The following SMOC2 variants were observed in gnomAD, a reference collection of about 807,000 sequenced individuals.
SMOC2 encodes SPARC related modular calcium binding 2.
Under a neutral mutation model 61.4 loss-of-function variants are expected in SMOC2, and 39 were observed. That is an observed-to-expected ratio of 0.64 (90% CI 0.49 to 0.83). SMOC2 has a LOEUF of 0.83. SMOC2 is among the 40% of genes least tolerant of loss of function. The pLI, the probability that SMOC2 is intolerant of heterozygous loss-of-function variation, is 0.00. For missense variants in SMOC2, 556 were observed against 592.9 expected, an observed-to-expected ratio of 0.94 and a Z score of 0.65; for synonymous variants, 247 against 239.9, an observed-to-expected ratio of 1.03 and a Z score of -0.27.
At chr6:168,598,713 G>A (rs898848298) in intron 7 of SMOC2, 105 bp from the exon 8 acceptor site, 3 of 1,332,762 alleles carry the variant, frequency 2.3e-6, no homozygotes, top group East Asian at 2.3e-5. Flanking sequence ...CGGGGTGAAG[G>A]AGGACCACAT....
chr6:168,565,187 G>A lies in SMOC2; in HGVS notation c.637+15984G>A, dbSNP rs181456282. ...TCTTCAGTTAAGGAAATTTCCTTGG[G>A]CTTTCTTTAAAAATCAAATGTGAAT... On this transcript the variant is annotated intron_variant, in intron 7 of 12. Coordinates refer to ENST00000356284, the MANE Select transcript of SMOC2 (RefSeq NM_001166412.2). Among the ~76,000 whole-genome samples the A allele has an allele frequency of 9.2e-5, 14 of 152,324 alleles. No homozygotes were observed. In the East Asian group the frequency reaches 2.3e-3, roughly 25 times the overall value.
rs202082674 is a variant in SMOC2 at position 168,526,447 on chromosome 6, A to C, written c.358A>C (p.Ser120Arg). Residue 120 changes from serine (S) to arginine (R), a missense_variant, in exon 3 of 13, where the codon AGT (serine) becomes CGT (arginine). Ser to Arg is a moderately radical substitution (Grantham distance 110). Transcript: ENST00000356284. ...TGAGTGCAATGACGACGGCACCTAC[A>C]GTCAGGTTACCGGCCTTGCTTGGGA... ...IPECNDDGTYSQVQCHSYTGY... is the reference protein window; with the variant it reads ...IPECNDDGTYRQVQCHSYTGY... The C allele has an allele frequency of 5.3e-5, 86 of 1,613,934 alleles. No homozygotes were observed. Among genetic ancestry groups the C allele is most frequent in the Non-Finnish European group, 6.7e-5 (79 of 1,179,872 alleles).
In SMOC2 at chr6:168,496,566, CG is replaced by C. The variant is rs541252319; in HGVS notation, c.85-13348del. ...GTTGCAGACGGGACCAATCGCCTGTCGCCCCAGCCCTCGAGTTCTGTCCCGA... is the reference window on the plus strand; with the variant it reads ...GTTGCAGACGGGACCAATCGCCTGTCCCCCAGCCCTCGAGTTCTGTCCCGA... On this transcript the variant is annotated intron_variant, in intron 1 of 12. Transcript: ENST00000356284. Among the ~76,000 whole-genome samples the C allele has an allele frequency of 4.6e-5, 7 of 152,348 alleles. No homozygotes were observed. In the South Asian group the frequency reaches 1.2e-3, roughly 27 times the overall value.
intron 4 of SMOC2, among the ~76,000 whole-genome samples, chr6:168,539,652 A>C (rs1783831521): frequency 6.6e-6 from 1 of 152,168 alleles, no homozygotes; most frequent in African/African-American, 2.4e-5. Context: ...AACGCTCCTA[A>C]CAGGTGGGGC....
intron 1 of SMOC2, among the ~76,000 whole-genome samples, chr6:168,467,046 G>T (rs1781850737): frequency 6.6e-6 from 1 of 152,072 alleles, no homozygotes. Context: ...TGCTGGTCAT[G>T]TCATGGGTGG....
intron 7 of SMOC2, among the ~76,000 whole-genome samples, chr6:168,587,904 C>T (rs970244949): frequency 9.9e-5 from 15 of 151,816 alleles, no homozygotes; most frequent in African/African-American, 2.2e-4. Context: ...TTTGGGCTGC[C>T]GTAACAAAAT....
At chr6:168,557,202 C>T (rs1784271278) in intron 7 of SMOC2, among the ~76,000 whole-genome samples, 1 of 152,086 alleles carries the variant, frequency 6.6e-6, no homozygotes, top group African/African-American at 2.4e-5. Context: ...ATTACACAAA[C>T]ATCAAGACAC....
rs398003340 is a variant in SMOC2, at chr6:168,556,605, T to TA, written c.637+7405dup. 7.6e-4 allele frequency among the ~76,000 whole-genome samples: 116 copies of TA among 152,044 alleles called. 1 individual carries two copies. The highest frequency in any genetic ancestry group is 2.1e-3 in the African/African-American group (89 of 41,496). On this transcript the variant is annotated intron_variant, in intron 7 of 12. Transcript: ENST00000356284. Reference sequence around the variant, plus strand: ...AATGCGCCTTGGGATCTTTTTTTTTTAAATTATACTTTAAGTTTTAGGGTA... The same window carrying TA: ...AATGCGCCTTGGGATCTTTTTTTTTTAAAATTATACTTTAAGTTTTAGGGTA...
intron 1 of SMOC2, among the ~76,000 whole-genome samples, chr6:168,454,915 G>T (rs1781549979): frequency 6.6e-6 from 1 of 152,080 alleles, no homozygotes; most frequent in African/African-American, 2.4e-5. Flanking sequence ...CAGGGTCCCG[G>T]TTTGAGACCG....
chr6:168,532,235 C>T (rs1184906393), intron 4 of SMOC2, among the ~76,000 whole-genome samples: 5 of 152,088 alleles, frequency 3.3e-5, no homozygotes, highest in Admixed American at 3.3e-4. Flanking sequence ...TGGCTTTATG[C>T]TCAGGGAGTG....
In SMOC2 at chr6:168,599,229, GTC is replaced by G. The variant is rs1210789731; in HGVS notation, c.824+232_824+233del. 1.6e-4 allele frequency among the ~76,000 whole-genome samples: 11 copies of G among 70,882 alleles called. No homozygotes were observed. In the East Asian group the frequency reaches 4.0e-3, roughly 26 times the overall value. 46.5% of individuals were successfully genotyped at this position (70,882 alleles called of 152,430 possible). On this transcript the variant is annotated intron_variant, in intron 8 of 12. Transcript: ENST00000356284. The stretch of plus-strand genomic sequence containing the variant: ...ACACTCATACCCACACACACCCATG[GTC>G]TCTCTCACACACACCCACACACATA...
intron 9 of SMOC2, among the ~76,000 whole-genome samples, chr6:168,638,301 A>T (rs1163188282): frequency 1.3e-5 from 2 of 152,336 alleles, no homozygotes; most frequent in South Asian, 4.1e-4. Flanking sequence ...GGTTTTCACC[A>T]CTAAGAACCT....
At chr6:168,518,955 G>A (rs560590405) in intron 2 of SMOC2, among the ~76,000 whole-genome samples, 1 of 150,520 alleles carries the variant, frequency 6.6e-6, no homozygotes, top group African/African-American at 2.4e-5. Flanking sequence ...GTGTGTTAGT[G>A]TGTATCCGTG....
At chr6:168,655,169 G>A in intron 11 of SMOC2, among the ~76,000 whole-genome samples, 2 of 58,374 alleles carry the variant, frequency 3.4e-5, no homozygotes, top group Non-Finnish European at 6.4e-5. Flanking sequence ...CACCAACCCT[G>A]CACCTGAGCT....
At position 168,457,141 on chromosome 6, in the gene SMOC2, C is replaced by T. The variant is rs909163990; in HGVS notation, c.84+15687C>T. On this transcript the variant is annotated intron_variant, in intron 1 of 12. Transcript: ENST00000356284. The stretch of plus-strand genomic sequence containing the variant: ...GCGCGGCCGCCACGCCCCTCTCCAG[C>T]TCTCCCTTCCACGGTCACCTGGAGA... Among the ~76,000 whole-genome samples, 3 of 152,242 alleles carry T rather than the reference C, an allele frequency of 2.0e-5. No homozygotes were observed. In the South Asian group the frequency reaches 6.2e-4, roughly 31 times the overall value.
intron 9 of SMOC2, among the ~76,000 whole-genome samples, chr6:168,637,080 AGTTT>A (rs373396308): frequency 2.6e-5 from 4 of 151,982 alleles, no homozygotes; most frequent in African/African-American, 7.2e-5. Flanking sequence ...GAGGAAATGG[AGTTT>A]GTTTATTTTT....
chr6:168,520,085 G>T (rs996893555), intron 2 of SMOC2, among the ~76,000 whole-genome samples: 1 of 152,224 alleles, frequency 6.6e-6, no homozygotes, highest in Non-Finnish European at 1.5e-5. Context: ...CTAGTCTGCT[G>T]CTGTGGGGAT....
At chr6:168,472,732 A>G (rs949232069) in intron 1 of SMOC2, among the ~76,000 whole-genome samples, 1 of 152,138 alleles carries the variant, frequency 6.6e-6, no homozygotes, top group African/African-American at 2.4e-5. Context: ...TTCCCCTCCA[A>G]GGCATAATTA....
intron 7 of SMOC2, among the ~76,000 whole-genome samples, chr6:168,566,202 A>G (rs1352120642): frequency 6.6e-6 from 1 of 152,100 alleles, no homozygotes; most frequent in Non-Finnish European, 1.5e-5. Context: ...TCCTAGAATA[A>G]ATAATTCTAT....
Sources: allele counts gnomAD v4.1 joint callset (sites outside exome capture counted in the v4.1 genomes callset), GRCh38; gene constraint gnomAD v4.1.1; transcripts MANE v1.5; gene names NCBI Gene and HGNC (gene_info 2026-07-23, HGNC 2026-07-21).